The following CRACR2A variants were observed in gnomAD, a reference collection of about 807,000 sequenced individuals.
CRACR2A encodes calcium release activated channel regulator 2A, also known as EF-hand calcium-binding domain-containing protein 4B.
In CRACR2A, 79 loss-of-function variants were observed where a neutral mutation model predicts 90.5. That is an observed-to-expected ratio of 0.87 (90% CI 0.73 to 1.05). CRACR2A has a LOEUF of 1.05. CRACR2A is among the 50% of genes least tolerant of loss of function. The pLI, the probability that CRACR2A is intolerant of heterozygous loss-of-function variation, is 0.00. For synonymous variants in CRACR2A, 338 were observed against 356.7 expected, an observed-to-expected ratio of 0.95 and a Z score of 0.59; for missense variants, 823 against 897.2, an observed-to-expected ratio of 0.92 and a Z score of 1.06.
intron 4 of CRACR2A, among the ~76,000 whole-genome samples, chr12:3,691,922 CTGTT>C (rs1200971750): frequency 1.3e-5 from 2 of 152,202 alleles, no homozygotes; most frequent in Admixed American, 6.5e-5. Flanking sequence ...ATTCCTTCCT[CTGTT>C]TGGTCTATTC....
At position 3,619,326 on chromosome 12, in the gene CRACR2A, A is replaced by C; in HGVS notation, c.1979T>G (p.Leu660Arg). The change falls in exon 18 of 20, where the codon CTT becomes CGT. Residue 660 changes from leucine (L) to arginine (R), a missense_variant. Physicochemically the swap from Leu to Arg is moderately radical, Grantham distance 102. Transcript: ENST00000440314. ...GACTTCCCGCTCCTTCTCGTTGTCA[A>C]GCTTATTACCCAGCAGAAGAACAGG... is the stretch of plus-strand genomic sequence containing the variant. The part of the protein sequence containing the change: ...RVPVLLLGNK[L>R]DNEKEREVPR... 2 of 1,551,698 alleles carry C rather than the reference A, an allele frequency of 1.3e-6. No individual in the cohort carries two copies. The highest frequency in any genetic ancestry group is 1.7e-6 in the Non-Finnish European group (2 of 1,147,010).
intron 1 of CRACR2A, among the ~76,000 whole-genome samples, chr12:3,734,146 A>T (rs7303220): frequency 0.27 from 41,358 of 150,604 alleles, 6,121 homozygotes; most frequent in East Asian, 0.38. Flanking sequence ...AATTTTTTTT[A>T]AAAAATATTT....
At chr12:3,745,742 C>T (rs866643819) in intron 1 of CRACR2A, among the ~76,000 whole-genome samples, 18 of 120,460 alleles carry the variant, frequency 1.5e-4, no homozygotes, top group African/African-American at 4.0e-4. Flanking sequence ...CATGCCATTG[C>T]GCTCCAGCCT....
intron 13 of CRACR2A, among the ~76,000 whole-genome samples, chr12:3,640,934 A>T (rs1325670972): frequency 6.6e-6 from 1 of 152,236 alleles, no homozygotes. Flanking sequence ...AATATAGGTC[A>T]TGGAAACGAT....
intron 14 of CRACR2A, among the ~76,000 whole-genome samples, chr12:3,637,849 TA>T (rs1944484672): frequency 6.6e-6 from 1 of 152,218 alleles, no homozygotes; most frequent in Admixed American, 6.5e-5. Flanking sequence ...ACTGCTTTGC[TA>T]AGAATCCTTT....
intron 6 of CRACR2A, among the ~76,000 whole-genome samples, chr12:3,675,044 A>G (rs1445799323): frequency 1.3e-5 from 2 of 152,198 alleles, no homozygotes; most frequent in African/African-American, 4.8e-5. Flanking sequence ...ATGAGGATAA[A>G]GTTATCTGTA....
At chr12:3,644,685 T>C (rs370001739) in intron 11 of CRACR2A, 45 bp from the exon 12 acceptor site, 8 of 1,543,030 alleles carry the variant, frequency 5.2e-6, no homozygotes, top group Admixed American at 2.0e-5. Flanking sequence ...GAGTTTGCAG[T>C]TGACAGATCC....
Position 3,678,989 on chromosome 12 carries a change from G to A in CRACR2A, c.450C>T (p.Gly150=), listed in dbSNP as rs150361390. 34 of 1,613,862 alleles carry A rather than the reference G, an allele frequency of 2.1e-5. No individual in the cohort carries two copies. Among genetic ancestry groups the A allele is most frequent in the Non-Finnish European group, 2.5e-5 (30 of 1,179,972 alleles). ...VYLSRGDEDL[G]DMGEDEEAQF... Reference sequence around the variant, plus strand: ...GGGCTTCCTCATCTTCGCCCATGTCGCCCAGATCCTCATCCCCTCTGGACA... The same window carrying A: ...GGGCTTCCTCATCTTCGCCCATGTCACCCAGATCCTCATCCCCTCTGGACA... The change falls in exon 6 of 20, where the codon GGC becomes GGT. Residue 150 remains glycine (G), a synonymous_variant. Coordinates refer to ENST00000440314, the MANE Select transcript of CRACR2A (RefSeq NM_001144958.2).
intron 1 of CRACR2A, among the ~76,000 whole-genome samples, chr12:3,745,544 C>G (rs1946598983): frequency 6.6e-6 from 1 of 152,004 alleles, no homozygotes; most frequent in Non-Finnish European, 1.5e-5. Context: ...GAGGCCAAGG[C>G]AGGCAGATCA....
intron 17 of CRACR2A, among the ~76,000 whole-genome samples, 183 bp from the exon 18 acceptor site, chr12:3,619,555 T>G (rs755810610): frequency 6.6e-6 from 1 of 151,940 alleles, no homozygotes; most frequent in Non-Finnish European, 1.5e-5. Context: ...AGCCTCAGTT[T>G]ATCATGCTTT....
At chr12:3,647,041 C>T (rs1380047631) in intron 11 of CRACR2A, among the ~76,000 whole-genome samples, 2 of 152,164 alleles carry the variant, frequency 1.3e-5, no homozygotes, top group East Asian at 3.9e-4. Flanking sequence ...GATCCAGCTT[C>T]AAAGTGCATG....
intron 11 of CRACR2A, among the ~76,000 whole-genome samples, chr12:3,646,510 C>T (rs920114017): frequency 1.7e-4 from 26 of 152,212 alleles, no homozygotes; most frequent in African/African-American, 6.3e-4. Flanking sequence ...AACTGACTTC[C>T]AATTCCACCA....
chr12:3,641,717 G>C lies in CRACR2A; in HGVS notation c.1271+15C>G. 1 of 1,548,112 alleles carries C rather than the reference G, an allele frequency of 6.5e-7. No individual in the cohort carries two copies. Among genetic ancestry groups the C allele is most frequent in the African/African-American group, 1.4e-5 (1 of 73,104 alleles). On this transcript the variant is annotated intron_variant, in intron 13 of 19. Coordinates refer to ENST00000440314, the MANE Select transcript of CRACR2A (RefSeq NM_001144958.2). Reference sequence around the variant, plus strand: ...CTGAGAGGAATGAAGGGATGAGCAAGTGGAGATGACTTACCTCCTAAGAAT... The same window carrying C: ...CTGAGAGGAATGAAGGGATGAGCAACTGGAGATGACTTACCTCCTAAGAAT...
At chr12:3,648,645 T>A in intron 10 of CRACR2A, 32 bp from the exon 11 acceptor site, 1 of 1,596,916 alleles carries the variant, frequency 6.3e-7, no homozygotes, top group Non-Finnish European at 8.6e-7. Flanking sequence ...GGCAGTGAGC[T>A]CCCAGGTGGA....
At chr12:3,720,155 AAG>A (rs1240702060) in intron 2 of CRACR2A, among the ~76,000 whole-genome samples, 1 of 122,128 alleles carries the variant, frequency 8.2e-6, no homozygotes, top group East Asian at 2.8e-4. Flanking sequence ...GAAAGAAAGA[AAG>A]AGAGAGAGAG....
At chr12:3,713,216 G>A (rs1466422602) in intron 3 of CRACR2A, 21 bp downstream of exon 3, 10 of 983,550 alleles carry the variant, frequency 1.0e-5, no homozygotes, top group African/African-American at 5.3e-5. Flanking sequence ...GCAACCTGTC[G>A]CCTTTTGTTC....
chr12:3,736,335 T>C (rs1221137218), intron 1 of CRACR2A, among the ~76,000 whole-genome samples: 1 of 151,268 alleles, frequency 6.6e-6, no homozygotes, highest in Non-Finnish European at 1.5e-5. Context: ...CCATGACATC[T>C]AGCTTCAGAG....
chr12:3,649,088 G>A (rs1460002003), intron 10 of CRACR2A, among the ~76,000 whole-genome samples: 1 of 152,000 alleles, frequency 6.6e-6, no homozygotes, highest in Non-Finnish European at 1.5e-5. Flanking sequence ...TGTGGGGTGG[G>A]GGAAGGGGGG....
At chr12:3,685,576 C>T (rs1160668862) in intron 4 of CRACR2A, among the ~76,000 whole-genome samples, 1 of 152,210 alleles carries the variant, frequency 6.6e-6, no homozygotes, top group African/African-American at 2.4e-5. Flanking sequence ...CTGACACATG[C>T]TACGATACAG....
Sources: allele counts gnomAD v4.1 joint callset (sites outside exome capture counted in the v4.1 genomes callset), GRCh38; gene constraint gnomAD v4.1.1; transcripts MANE v1.5; gene names NCBI Gene and HGNC (gene_info 2026-07-23, HGNC 2026-07-21).